LINGO2: variants seen among roughly 807,000 people sequenced by gnomAD.
LINGO2 encodes the protein leucine rich repeat and Ig domain containing 2, also known as leucine-rich repeat and immunoglobulin-like domain-containing nogo receptor-interacting protein 2.
In LINGO2, 14 loss-of-function variants were observed where a neutral mutation model predicts 30.6. The ratio of observed to expected loss-of-function variants is 0.46; its 90% CI spans 0.30 to 0.72. LINGO2 has a LOEUF of 0.72. LINGO2 is among the 30% of genes least tolerant of loss of function. The pLI, the probability that LINGO2 is intolerant of heterozygous loss-of-function variation, is 0.07. For missense variants in LINGO2, 729 were observed against 751.7 expected (o/e 0.97, Z 0.35); for synonymous variants, 317 against 288.5 (o/e 1.10, Z -1.00).
At chr9:28,389,405 G>T (rs1313867357) in intron 2 of LINGO2, among the ~76,000 whole-genome samples, 1 of 152,130 alleles carries the variant, frequency 6.6e-6, no homozygotes, top group Non-Finnish European at 1.5e-5. Context: ...CTACATATCA[G>T]AGTTTTAAAG....
chr9:27,976,442 G>A (rs184771185), intron 5 of LINGO2, among the ~76,000 whole-genome samples: 1 of 152,108 alleles, frequency 6.6e-6, no homozygotes, highest in East Asian at 1.9e-4. Flanking sequence ...AGACCAAATG[G>A]TCTGGATTAA....
chr9:28,468,089 T>A lies in LINGO2; in HGVS notation c.-279+7851A>T, dbSNP rs1380069269. Among the ~76,000 whole-genome samples, 3 of 152,186 alleles carry A rather than the reference T, an allele frequency of 2.0e-5. No homozygotes were observed. The South Asian group carries it at 6.2e-4, about 31-fold the overall frequency. ...ACACTAAAATAAATAGATAAACTTA[T>A]AGACTGATTTATATAATTTAATAGT... On this transcript the variant is annotated intron_variant, in intron 2 of 5. Coordinates refer to ENST00000379992, the Ensembl canonical transcript of LINGO2.
the LINGO2 span, among the ~76,000 whole-genome samples, chr9:28,722,573 G>A: frequency 2.0e-5 from 3 of 152,096 alleles, no homozygotes; most frequent in Non-Finnish European, 4.4e-5. Flanking sequence ...ATCTGACAGT[G>A]TCATTACTGA....
chr9:28,014,310 C>T (rs549097633), intron 4 of LINGO2, among the ~76,000 whole-genome samples: 6 of 152,254 alleles, frequency 3.9e-5, no homozygotes, highest in East Asian at 3.9e-4. Context: ...ATTATAATTG[C>T]ATAATAGTCT....
chr9:28,847,789 C>CATATATATGTATAGTATATATGTATATAT, the LINGO2 span, among the ~76,000 whole-genome samples: 4 of 35,688 alleles, frequency 1.1e-4, no homozygotes, highest in African/African-American at 3.6e-4. Flanking sequence ...AGTATATATA[C>CATATATATGTATAGTATATATGTATATAT]ACATATATGT....
intron 4 of LINGO2, among the ~76,000 whole-genome samples, chr9:28,186,293 T>A (rs557017348): frequency 6.6e-6 from 1 of 152,274 alleles, no homozygotes; most frequent in African/African-American, 2.4e-5. Flanking sequence ...CTGATTCTAT[T>A]CAATGATACT....
the LINGO2 span, among the ~76,000 whole-genome samples, chr9:28,808,258 C>T: frequency 1.3e-5 from 2 of 152,132 alleles, no homozygotes; most frequent in Non-Finnish European, 2.9e-5. Context: ...CCACAGAATG[C>T]CATCTGCTTA....
At chr9:28,413,966 TC>T (rs1219667166) in intron 2 of LINGO2, among the ~76,000 whole-genome samples, 2 of 151,126 alleles carry the variant, frequency 1.3e-5, no homozygotes, top group African/African-American at 2.4e-5. Context: ...ATTATTTAAT[TC>T]CCATATTAAT....
At chr9:28,586,452 C>A (rs537009455) in intron 1 of LINGO2, among the ~76,000 whole-genome samples, 1 of 152,142 alleles carries the variant, frequency 6.6e-6, no homozygotes, top group Non-Finnish European at 1.5e-5. Context: ...CAGCCTCCCC[C>A]ATTTTCATGC....
chr9:28,551,836 C>A (rs1822301101), intron 1 of LINGO2, among the ~76,000 whole-genome samples: 1 of 152,016 alleles, frequency 6.6e-6, no homozygotes, highest in Non-Finnish European at 1.5e-5. Context: ...ACACGTGTGT[C>A]CTCAGCCTCT....
rs567487169 is a variant in LINGO2, at chr9:28,366,289, T to C, written c.-246+6547A>G. On this transcript the variant is annotated intron_variant, in intron 3 of 5. Coordinates refer to ENST00000379992, the Ensembl canonical transcript of LINGO2. ...TTATTCATCACTTGCATTACCTCTA[T>C]ATTGTATTTCATCCCTCTTATGTGA... Among the ~76,000 whole-genome samples, 9 of 152,328 alleles carry C rather than the reference T, an allele frequency of 5.9e-5. No homozygotes were observed. In the South Asian group the frequency reaches 1.7e-3, roughly 28 times the overall value.
In LINGO2 at chr9:28,147,820, C is replaced by T. The variant is rs1051451154; in HGVS notation, c.-86-135415G>A. Reference sequence around the variant, plus strand: ...TTGACTCCTCTTGTAGGCACCCTCGCTGGGCTCCTAAGCACTCCTCCACAC... The same window carrying T: ...TTGACTCCTCTTGTAGGCACCCTCGTTGGGCTCCTAAGCACTCCTCCACAC... On this transcript the variant is annotated intron_variant, in intron 4 of 5. Coordinates refer to ENST00000379992, the Ensembl canonical transcript of LINGO2. This position sits in a 1 kb window ranked among gnomAD's most constrained non-coding sequence, Gnocchi z 4.7. Among the ~76,000 whole-genome samples, 1 of 152,140 alleles carries T rather than the reference C, an allele frequency of 6.6e-6. No homozygotes were observed. Among genetic ancestry groups the T allele is most frequent in the South Asian group, 2.1e-4 (1 of 4,832 alleles).
intron 2 of LINGO2, among the ~76,000 whole-genome samples, chr9:28,427,943 T>C (rs1185461415): frequency 6.6e-6 from 1 of 152,144 alleles, no homozygotes; most frequent in East Asian, 1.9e-4. Flanking sequence ...CTTGAAATCA[T>C]CAAATTACAT....
chr9:28,100,528 T>A (rs531513958), intron 4 of LINGO2, among the ~76,000 whole-genome samples: 5 of 152,192 alleles, frequency 3.3e-5, no homozygotes, highest in African/African-American at 2.4e-5. Flanking sequence ...TGTAAAGATA[T>A]AAAATGTAGT....
the LINGO2 span, among the ~76,000 whole-genome samples, chr9:29,165,566 T>C: frequency 6.6e-6 from 1 of 152,010 alleles, no homozygotes; most frequent in Non-Finnish European, 1.5e-5. Flanking sequence ...TGATTTTCTC[T>C]AAACAGTCCT....
chr9:28,879,321 T>C, the LINGO2 span, among the ~76,000 whole-genome samples: 1 of 152,150 alleles, frequency 6.6e-6, no homozygotes, highest in African/African-American at 2.4e-5. Context: ...ATGGATAATA[T>C]GTAGTAGCAC....
intron 1 of LINGO2, among the ~76,000 whole-genome samples, chr9:28,558,359 C>G (rs1288308695): frequency 1.3e-5 from 2 of 151,846 alleles, no homozygotes; most frequent in Non-Finnish European, 2.9e-5. Context: ...CTGTAGATCT[C>G]AATAAGAGGG....
At chr9:28,757,341 T>C in the LINGO2 span, among the ~76,000 whole-genome samples, 1 of 152,036 alleles carries the variant, frequency 6.6e-6, no homozygotes, top group African/African-American at 2.4e-5. Flanking sequence ...AGATCCATCT[T>C]TTTGAACCCC....
At chr9:28,245,208 A>G (rs1204247117) in intron 4 of LINGO2, among the ~76,000 whole-genome samples, 3 of 152,216 alleles carry the variant, frequency 2.0e-5, no homozygotes, top group Non-Finnish European at 4.4e-5. Flanking sequence ...TAAAAACCAC[A>G]TGATCGTCTC....
Sources: allele counts gnomAD v4.1 joint callset (sites outside exome capture counted in the v4.1 genomes callset), GRCh38; gene constraint gnomAD v4.1.1; non-coding constraint Gnocchi (gnomAD v3.1); transcripts MANE v1.5; gene names NCBI Gene and HGNC (gene_info 2026-07-23, HGNC 2026-07-21).